Variants in PCDHA8 observed in about 807,000 individuals in gnomAD.
PCDHA8 encodes protocadherin alpha 8.
PCDHA8 carries 53 observed loss-of-function variants against 61.8 expected under a neutral mutation model. That is an observed-to-expected ratio of 0.86 (90% CI 0.69 to 1.08). PCDHA8 has a LOEUF of 1.08. Ranked by LOEUF, PCDHA8 falls within the 50% of genes least tolerant of loss-of-function variation. The pLI, the probability that PCDHA8 is intolerant of heterozygous loss-of-function variation, is 0.00. For missense variants in PCDHA8, 1,293 were observed against 1,245.0 expected (o/e 1.04, Z -0.58); for synonymous variants, 618 against 556.6 (o/e 1.11, Z -1.55).
chr5:140,985,063 G>C (rs2097134230), intron 3 of PCDHA8, among the ~76,000 whole-genome samples: 1 of 151,948 alleles, frequency 6.6e-6, no homozygotes, highest in African/African-American at 2.4e-5. Flanking sequence ...TCAGCCTCCT[G>C]AGTAGCTGAG....
At chr5:140,923,638 C>G (rs1375136191) in intron 1 of PCDHA8, among the ~76,000 whole-genome samples, 1 of 152,176 alleles carries the variant, frequency 6.6e-6, no homozygotes, top group African/African-American at 2.4e-5. Flanking sequence ...AGGCAAAAAT[C>G]TTTAGCCTCC....
At chr5:140,967,954 C>T in intron 1 of PCDHA8, 1 of 1,614,208 alleles carries the variant, frequency 6.2e-7, no homozygotes, top group Non-Finnish European at 8.5e-7. Flanking sequence ...ACTCAGGCCC[C>T]AACCGGAAAG....
At chr5:140,912,061 C>T (rs1321149990) in intron 1 of PCDHA8, among the ~76,000 whole-genome samples, 2 of 152,162 alleles carry the variant, frequency 1.3e-5, no homozygotes, top group Non-Finnish European at 2.9e-5. Context: ...AACTTGGAGT[C>T]CAATGTTCAA....
intron 1 of PCDHA8, chr5:140,858,429 C>G (rs1554151596): frequency 6.5e-7 from 1 of 1,548,730 alleles, no homozygotes; most frequent in African/African-American, 1.4e-5. Flanking sequence ...GGGGACCACT[C>G]TAGGAAGGTG....
chr5:140,958,204 G>T (rs2095413529), intron 1 of PCDHA8, among the ~76,000 whole-genome samples: 2 of 152,042 alleles, frequency 1.3e-5, no homozygotes, highest in South Asian at 2.1e-4. Flanking sequence ...AGTATACAAG[G>T]GAATTAGATT....
intron 1 of PCDHA8, chr5:140,884,052 G>A (rs200938440): frequency 8.7e-6 from 14 of 1,613,472 alleles, no homozygotes; most frequent in African/African-American, 4.0e-5. Context: ...GCGAAGGTGC[G>A]CGCGGTGGAC....
chr5:140,862,949 C>G lies in PCDHA8; in HGVS notation c.2394+19234C>G, dbSNP rs541015740. The G allele has an allele frequency of 9.9e-5, 54 of 542,878 alleles. 1 individual carries two copies. The highest frequency in any genetic ancestry group is 8.3e-4 in the African/African-American group (44 of 52,750). 33.6% of individuals were successfully genotyped at this position (542,878 alleles called of 1,614,324 possible). A position where few individuals can be genotyped will look rare whatever the true frequency, so the allele number is the denominator to read the frequency against. ...TGGCGGCGCTGTGAGTGAGCTGGTG[C>G]GGTATTCAGTGGATGCAGGCCACTT... On this transcript the variant is annotated intron_variant, in intron 1 of 3. Coordinates refer to ENST00000531613, the MANE Select transcript of PCDHA8 (RefSeq NM_018911.3).
At chr5:140,851,020 A>G in intron 1 of PCDHA8, 1 of 1,430,342 alleles carries the variant, frequency 7.0e-7, no homozygotes, top group Non-Finnish European at 9.2e-7. Flanking sequence ...TTTCTGATAA[A>G]GTAAACCCCT....
At chr5:141,009,529 T>C in intron 3 of PCDHA8, 98 bp from the exon 4 acceptor site, 2 of 1,505,630 alleles carry the variant, frequency 1.3e-6, no homozygotes, top group Non-Finnish European at 1.8e-6. Context: ...TCTGGGGAGG[T>C]TCAGCCTGCC....
chr5:140,850,185 G>A (rs2150471887), intron 1 of PCDHA8: 2 of 1,593,890 alleles, frequency 1.3e-6, no homozygotes, highest in South Asian at 1.1e-5. Context: ...CAATGCGCCG[G>A]CGCTGCTGAC....
chr5:140,857,805 C>G, intron 1 of PCDHA8: 2 of 1,597,714 alleles, frequency 1.3e-6, no homozygotes, highest in Non-Finnish European at 1.7e-6. Flanking sequence ...TCGGTGGTTG[C>G]GGGTCACGTG....
At chr5:141,006,622 T>C (rs555577523) in intron 3 of PCDHA8, among the ~76,000 whole-genome samples, 21 of 152,132 alleles carry the variant, frequency 1.4e-4, no homozygotes, top group Non-Finnish European at 7.3e-5. Flanking sequence ...AAGGAGACTA[T>C]TGCTGCAATT....
intron 1 of PCDHA8, chr5:140,884,652 G>A (rs2060303446): frequency 6.2e-7 from 1 of 1,603,582 alleles, no homozygotes; most frequent in Non-Finnish European, 8.5e-7. Flanking sequence ...GACTCAGAAT[G>A]CTTGAAAGAG....
At chr5:140,847,907 G>GT (rs1781241234) in intron 1 of PCDHA8, 1 of 149,326 alleles carries the variant, frequency 6.7e-6, no homozygotes, top group Non-Finnish European at 1.5e-5. Context: ...TAGATTTCTG[G>GT]GCTCCTATAT....
chr5:140,984,964 G>C (rs930753325), intron 3 of PCDHA8, among the ~76,000 whole-genome samples: 1 of 151,818 alleles, frequency 6.6e-6, no homozygotes, highest in Non-Finnish European at 1.5e-5. Context: ...TTGAGACAGA[G>C]TCTCGCTCTG....
At chr5:140,966,854 C>G in intron 1 of PCDHA8, 1 of 1,573,744 alleles carries the variant, frequency 6.4e-7, no homozygotes, top group Non-Finnish European at 8.6e-7. Context: ...GCCTCTCCTG[C>G]TGCTGTTGCT....
intron 1 of PCDHA8, among the ~76,000 whole-genome samples, chr5:140,912,042 A>G (rs782622902): frequency 6.6e-6 from 1 of 152,216 alleles, no homozygotes; most frequent in African/African-American, 2.4e-5. Flanking sequence ...CCAAGTCCCA[A>G]AGCTGAAGAA....
chr5:140,952,724 C>T (rs1481919445), intron 1 of PCDHA8, among the ~76,000 whole-genome samples: 1 of 152,100 alleles, frequency 6.6e-6, no homozygotes, highest in African/African-American at 2.4e-5. Flanking sequence ...ATTTTCTGTA[C>T]TAGTCTTTTC....
chr5:140,870,149 T>G (rs2051707862), intron 1 of PCDHA8: 2 of 1,613,952 alleles, frequency 1.2e-6, no homozygotes, highest in Non-Finnish European at 8.5e-7. Context: ...TCTCCTGAAG[T>G]CGCCGTGACT....
Sources: allele counts gnomAD v4.1 joint callset (sites outside exome capture counted in the v4.1 genomes callset), GRCh38; gene constraint gnomAD v4.1.1; transcripts MANE v1.5; gene names NCBI Gene and HGNC (gene_info 2026-07-23, HGNC 2026-07-21).